FRAS1: variants seen among roughly 807,000 people sequenced by gnomAD.
FRAS1 encodes Fraser extracellular matrix complex subunit 1.
In FRAS1, 290 loss-of-function variants were observed where a neutral mutation model predicts 435.2. The ratio of observed to expected loss-of-function variants is 0.67; its 90% CI spans 0.61 to 0.73. The LOEUF (loss-of-function observed/expected upper bound fraction) is 0.73. Ranked by LOEUF, FRAS1 falls within the 30% of genes least tolerant of loss-of-function variation. FRAS1 has a pLI of 0.00. For missense variants in FRAS1, 4,860 were observed against 5,001.5 expected, an observed-to-expected ratio of 0.97 and a Z score of 0.85; for synonymous variants, 1,800 against 1,851.0, an observed-to-expected ratio of 0.97 and a Z score of 0.71.
chr4:78,391,035 T>G (rs1262520342), intron 29 of FRAS1, among the ~76,000 whole-genome samples: 1 of 151,928 alleles, frequency 6.6e-6, no homozygotes, highest in Non-Finnish European at 1.5e-5. Flanking sequence ...CCTTTTTTGG[T>G]TTTTTTTGGA....
intron 47 of FRAS1, among the ~76,000 whole-genome samples, chr4:78,459,424 A>C (rs75358413): frequency 0.022 from 3,278 of 152,358 alleles, 119 homozygotes; most frequent in African/African-American, 0.075. Flanking sequence ...TTTGGTAGCA[A>C]CATGGCAGAG....
intron 2 of FRAS1, among the ~76,000 whole-genome samples, chr4:78,142,900 GGAAAATAGAATAATAAAAATTA>G: frequency 6.6e-6 from 1 of 150,734 alleles, no homozygotes; most frequent in Admixed American, 6.6e-5. Flanking sequence ...AAATAGAGGG[GGAAAATAGAATAATAAAAATTA>G]GTGATAAATC....
rs952693885 is a variant in FRAS1 at position 78,133,040 on chromosome 4, A to G, written c.108+67024A>G. ...CAGTGAGCTGAGATCACGCCACTGC[A>G]CTCCAGCCTGGGCAACAGAGCGAGA... On this transcript the variant is annotated intron_variant, in intron 2 of 73. Coordinates refer to ENST00000512123, the MANE Select transcript of FRAS1 (RefSeq NM_025074.7). Among the ~76,000 whole-genome samples the G allele has an allele frequency of 7.2e-5, 11 of 152,288 alleles. No homozygotes were observed. The South Asian group carries it at 1.5e-3, about 20-fold the overall frequency.
chr4:78,466,696 A>T (rs1421249900), intron 50 of FRAS1, among the ~76,000 whole-genome samples: 1 of 152,224 alleles, frequency 6.6e-6, no homozygotes, highest in African/African-American at 2.4e-5. Flanking sequence ...AGTGCTCAAT[A>T]AATGGTGATA....
intron 2 of FRAS1, among the ~76,000 whole-genome samples, chr4:78,099,544 A>G (rs577441087): frequency 6.6e-6 from 1 of 151,688 alleles, no homozygotes; most frequent in South Asian, 2.1e-4. Flanking sequence ...ATAAACTCTT[A>G]TAAACACTTA....
chr4:78,123,966 A>T (rs1413086864), intron 2 of FRAS1, among the ~76,000 whole-genome samples: 1 of 152,078 alleles, frequency 6.6e-6, no homozygotes, highest in African/African-American at 2.4e-5. Flanking sequence ...AATACCTTTT[A>T]TTTCTTTCTC....
intron 1 of FRAS1, among the ~76,000 whole-genome samples, chr4:78,058,293 C>A (rs1739574317): frequency 1.3e-5 from 2 of 152,062 alleles, no homozygotes; most frequent in Non-Finnish European, 2.9e-5. Context: ...ATTCGGATTA[C>A]ACCCCCGAAA....
Position 78,082,899 on chromosome 4 carries a change from C to A in FRAS1, c.108+16883C>A, listed in dbSNP as rs188600305. Among the ~76,000 whole-genome samples, 3 of 152,192 alleles carry A rather than the reference C, an allele frequency of 2.0e-5. No individual in the cohort carries two copies. The East Asian group carries it at 5.8e-4, about 29-fold the overall frequency. ...TTATTATAGTAATTTAGTTTCTCAA[C>A]ACCTATACTGATATTTCACAATGCT... On this transcript the variant is annotated intron_variant, in intron 2 of 73. Transcript: ENST00000512123.
At chr4:78,187,663 G>C (rs1401914459) in intron 2 of FRAS1, among the ~76,000 whole-genome samples, 1 of 151,938 alleles carries the variant, frequency 6.6e-6, no homozygotes, top group Non-Finnish European at 1.5e-5. Context: ...GAGTGCAGTG[G>C]CAAGATCTCA....
Position 78,379,949 on chromosome 4 carries a change from T to C in FRAS1, c.3516T>C (p.Asp1172=). The change falls in exon 27 of 74, where the codon GAT becomes GAC. Residue 1172 remains aspartate, a synonymous_variant. Transcript: ENST00000512123. ...LDKAGRFSWK[D]VNEKKVRFVH... Reference sequence around the variant, plus strand: ...AGGCTGGCCGTTTTAGCTGGAAAGATGTGAACGAGAAGAAAGTGCGTTTTG... The same window carrying C: ...AGGCTGGCCGTTTTAGCTGGAAAGACGTGAACGAGAAGAAAGTGCGTTTTG... 1 of 1,613,826 alleles carries C rather than the reference T, an allele frequency of 6.2e-7. No homozygotes were observed. Among genetic ancestry groups the C allele is most frequent in the South Asian group, 1.1e-5 (1 of 91,018 alleles).
intron 71 of FRAS1, among the ~76,000 whole-genome samples, chr4:78,535,207 C>T (rs1345365381): frequency 6.6e-6 from 1 of 152,164 alleles, no homozygotes; most frequent in Non-Finnish European, 1.5e-5. Context: ...ATCCTCTGCC[C>T]CTTCCGTGTT....
At position 78,448,123 on chromosome 4, in the gene FRAS1, C is replaced by T; in HGVS notation, c.6081C>T (p.Thr2027=). The T allele has an allele frequency of 6.2e-7, 1 of 1,613,700 alleles. No homozygotes were observed. Among genetic ancestry groups the T allele is most frequent in the Non-Finnish European group, 8.5e-7 (1 of 1,179,794 alleles). Reference sequence around the variant, plus strand: ...GGAGAGTTTTAGTCCAGGGCTCAACCTTCACCTACCAGGATATCCTAGCTG... The same window carrying T: ...GGAGAGTTTTAGTCCAGGGCTCAACTTTCACCTACCAGGATATCCTAGCTG... ...ENGRVLVQGS[T]FTYQDILAGL... is the part of the protein sequence containing the mutation. The change falls in exon 44 of 74, where the codon ACC becomes ACT. Residue 2027 remains threonine, a synonymous_variant. Transcript: ENST00000512123.
At chr4:78,089,186 A>T (rs1335118408) in intron 2 of FRAS1, among the ~76,000 whole-genome samples, 1 of 151,000 alleles carries the variant, frequency 6.6e-6, no homozygotes, top group Non-Finnish European at 1.5e-5. Context: ...AGGACAAAAA[A>T]CCAAATACCG....
chr4:78,181,620 C>A, intron 2 of FRAS1: 1 of 1,610,650 alleles, frequency 6.2e-7, no homozygotes, highest in South Asian at 1.1e-5. Flanking sequence ...CCCTTTTCTT[C>A]AAGTGGCTTT....
intron 5 of FRAS1, among the ~76,000 whole-genome samples, chr4:78,253,542 C>T (rs2110134938): frequency 6.6e-6 from 1 of 152,264 alleles, no homozygotes; most frequent in Admixed American, 6.5e-5. Context: ...TCCAGCTGGT[C>T]CCTCCGTTTG....
intron 47 of FRAS1, among the ~76,000 whole-genome samples, chr4:78,457,131 C>G (rs760302078): frequency 1.3e-5 from 2 of 152,204 alleles, no homozygotes; most frequent in Non-Finnish European, 2.9e-5. Context: ...CTTCTCTGAT[C>G]TGTCAGAATT....
At chr4:78,080,656 C>T (rs773253644) in intron 2 of FRAS1, among the ~76,000 whole-genome samples, 6 of 152,116 alleles carry the variant, frequency 3.9e-5, no homozygotes, top group Non-Finnish European at 8.8e-5. Context: ...AAACTGCATA[C>T]ATCAATTGTA....
At chr4:78,395,874 C>CT (rs1553954769) in intron 29 of FRAS1, among the ~76,000 whole-genome samples, 2 of 152,114 alleles carry the variant, frequency 1.3e-5, no homozygotes, top group East Asian at 3.9e-4. Context: ...TAGGTAAGAA[C>CT]TTACCTATTG....
intron 63 of FRAS1, 108 bp from the exon 64 acceptor site, chr4:78,511,166 C>A: frequency 1.1e-6 from 1 of 910,474 alleles, no homozygotes; most frequent in Non-Finnish European, 1.7e-6. Flanking sequence ...ATGGAAAAAT[C>A]AATGGATGGG....
Sources: gnomAD v4.1 joint callset for allele counts (sites outside exome capture counted in the v4.1 genomes callset) on GRCh38, gnomAD v4.1.1 for gene constraint, MANE v1.5 for transcripts, NCBI Gene and HGNC (gene_info 2026-07-23, HGNC 2026-07-21) for gene names.